RASGRP1: variants seen among roughly 807,000 people sequenced by gnomAD.
RASGRP1 encodes the protein RAS guanyl releasing protein 1.
A neutral mutation model predicts 95.1 loss-of-function variants in RASGRP1; 37 were observed. The ratio of observed to expected loss-of-function variants is 0.39; its 90% CI spans 0.30 to 0.51. The LOEUF is 0.51. Ranked by LOEUF, RASGRP1 falls within the 20% of genes least tolerant of loss-of-function variation. The pLI is 0.80. For missense variants in RASGRP1, 711 were observed against 965.4 expected (o/e 0.74, Z 3.49); for synonymous variants, 325 against 353.4 (o/e 0.92, Z 0.90).
chr15:38,541,875 G>T (rs1430353605), intron 2 of RASGRP1, among the ~76,000 whole-genome samples: 1 of 152,202 alleles, frequency 6.6e-6, no homozygotes, highest in Non-Finnish European at 1.5e-5. Flanking sequence ...GGGCAGTTCA[G>T]AGGAAGGGGA....
rs1199332739 is a variant in RASGRP1, at chr15:38,488,550, C to T, written c.*2004G>A. Reference sequence around the variant, plus strand: ...TTATCCATTTCAGTGATAAATTCTGCAGTACTTGATACTGTTTAGCCATTG... The same window carrying T: ...TTATCCATTTCAGTGATAAATTCTGTAGTACTTGATACTGTTTAGCCATTG... On this transcript the variant is annotated 3_prime_UTR_variant, in exon 17 of 17. Transcript: ENST00000310803. The T allele has an allele frequency of 1.3e-5, 2 of 151,980 alleles. No homozygotes were observed. Among genetic ancestry groups the T allele is most frequent in the Admixed American group, 6.6e-5 (1 of 15,254 alleles). 9.4% of individuals were successfully genotyped at this position (151,980 alleles called of 1,614,324 possible). A position where few individuals can be genotyped will look rare whatever the true frequency, so the allele number is the denominator to read the frequency against.
intron 11 of RASGRP1, 87 bp from the exon 12 acceptor site, chr15:38,502,508 G>A (rs188972484): frequency 1.0e-5 from 8 of 796,550 alleles, no homozygotes; most frequent in Admixed American, 5.0e-5. Flanking sequence ...TGGGGCAGTT[G>A]GATAAAAGCC....
In RASGRP1 at chr15:38,494,176, G is replaced by C. The variant is rs559446509; in HGVS notation, c.2259+206C>G. ...TGTGAACCAAGGCCCCCAGTGGGTT[G>C]TGAGAAAGCTGGAATCAATCATCCT... On this transcript the variant is annotated intron_variant, in intron 16 of 16. Coordinates refer to ENST00000310803, the MANE Select transcript of RASGRP1 (RefSeq NM_005739.4). 1.2e-4 allele frequency among the ~76,000 whole-genome samples: 18 copies of C among 152,276 alleles called. No homozygotes were observed. The South Asian group carries it at 3.7e-3, about 32-fold the overall frequency.
At chr15:38,543,075 T>C (rs1892967982) in intron 2 of RASGRP1, among the ~76,000 whole-genome samples, 1 of 151,818 alleles carries the variant, frequency 6.6e-6, no homozygotes, top group Non-Finnish European at 1.5e-5. Context: ...TTATGGTTAG[T>C]CCTTTGTGTC....
intron 2 of RASGRP1, among the ~76,000 whole-genome samples, chr15:38,543,125 T>C (rs1420894304): frequency 1.3e-5 from 2 of 152,024 alleles, no homozygotes; most frequent in Non-Finnish European, 2.9e-5. Flanking sequence ...AACATTGTCC[T>C]AAATTTCCTT....
intron 2 of RASGRP1, among the ~76,000 whole-genome samples, chr15:38,531,014 G>A (rs1300061258): frequency 1.3e-5 from 2 of 152,126 alleles, no homozygotes; most frequent in Non-Finnish European, 2.9e-5. Flanking sequence ...TGGAAGCATT[G>A]CCATCACAGA....
chr15:38,502,468 T>G, intron 11 of RASGRP1, 47 bp from the exon 12 acceptor site: 1 of 1,177,124 alleles, frequency 8.5e-7, no homozygotes, highest in Non-Finnish European at 1.2e-6. Flanking sequence ...GAAACCGGTC[T>G]TCTCTCCCTT....
chr15:38,555,215 C>T (rs1893507637), intron 2 of RASGRP1, among the ~76,000 whole-genome samples: 1 of 152,234 alleles, frequency 6.6e-6, no homozygotes, highest in African/African-American at 2.4e-5. Context: ...TATCCAACTG[C>T]TCCATGGTGG....
intron 15 of RASGRP1, 78 bp from the exon 16 acceptor site, chr15:38,494,845 A>G (rs1890735815): frequency 8.3e-7 from 1 of 1,211,386 alleles, no homozygotes; most frequent in East Asian, 2.7e-5. Context: ...AGTTTCAATG[A>G]GACCTTTCTT....
At chr15:38,549,825 A>G (rs565339912) in intron 2 of RASGRP1, among the ~76,000 whole-genome samples, 75 of 151,072 alleles carry the variant, frequency 5.0e-4, no homozygotes, top group South Asian at 1.3e-3. Context: ...CTCTTTGGGG[A>G]AAAAAAAACA....
chr15:38,548,273 T>C (rs893068830), intron 2 of RASGRP1, among the ~76,000 whole-genome samples: 2 of 152,238 alleles, frequency 1.3e-5, no homozygotes, highest in African/African-American at 4.8e-5. Context: ...TTTTAATATA[T>C]TGTTAGAGGT....
intron 7 of RASGRP1, 97 bp from the exon 8 acceptor site, chr15:38,511,817 C>CG (rs1891532591): frequency 2.4e-6 from 2 of 827,698 alleles, no homozygotes; most frequent in Admixed American, 4.4e-5. Flanking sequence ...GTGAGTCTCC[C>CG]TTACGCTGGT....
rs1890521800 is a variant in RASGRP1, at chr15:38,490,279, T to C, written c.*275A>G. On this transcript the variant is annotated 3_prime_UTR_variant, in exon 17 of 17. Transcript: ENST00000310803. ...GAGATGCCCCATTGTCAGGAAATGATAGTCATGTTTTAGATCGCATACTTT... is the reference window on the plus strand; with the variant it reads ...GAGATGCCCCATTGTCAGGAAATGACAGTCATGTTTTAGATCGCATACTTT... The C allele has an allele frequency of 1.5e-5, 4 of 269,438 alleles. No individual in the cohort carries two copies. Among genetic ancestry groups the C allele is most frequent in the Non-Finnish European group, 2.1e-5 (3 of 145,090 alleles). The allele number at this position is 269,438 out of a possible 1,614,324, so 16.7% of individuals were successfully genotyped here.
At chr15:38,524,540 A>G (rs538716306) in intron 3 of RASGRP1, 1 of 152,358 alleles carries the variant, frequency 6.6e-6, no homozygotes, top group South Asian at 2.1e-4. Context: ...CTGGGGGTCA[A>G]TGGAAACAAG....
At chr15:38,529,608 T>A (rs1892360432) in intron 2 of RASGRP1, among the ~76,000 whole-genome samples, 1 of 152,194 alleles carries the variant, frequency 6.6e-6, no homozygotes, top group African/African-American at 2.4e-5. Flanking sequence ...GCTTTATTTA[T>A]TTAATTTTTT....
At chr15:38,497,924 C>T (rs571527919) in intron 15 of RASGRP1, among the ~76,000 whole-genome samples, 2 of 152,286 alleles carry the variant, frequency 1.3e-5, no homozygotes, top group Admixed American at 1.3e-4. Flanking sequence ...GTTTGCCCCC[C>T]GCCCTTCCTT....
chr15:38,516,433 C>T, intron 5 of RASGRP1, 83 bp from the exon 6 acceptor site: 1 of 1,465,006 alleles, frequency 6.8e-7, no homozygotes, highest in Non-Finnish European at 9.5e-7. Flanking sequence ...ACATTTCTCA[C>T]AAGAATATAC....
chr15:38,501,500 C>G (rs993422756), intron 12 of RASGRP1: 12 of 703,600 alleles, frequency 1.7e-5, no homozygotes, highest in Non-Finnish European at 2.8e-5. Flanking sequence ...CTCATTTCCA[C>G]AGAGGTGTTC....
chr15:38,499,257 C>T, intron 14 of RASGRP1: 1 of 466,510 alleles, frequency 2.1e-6, no homozygotes. Context: ...CGGAAACACT[C>T]AGCTGTTAGG....
Sources: gnomAD v4.1 joint callset for allele counts (sites outside exome capture counted in the v4.1 genomes callset) on GRCh38, gnomAD v4.1.1 for gene constraint, MANE v1.5 for transcripts, NCBI Gene and HGNC (gene_info 2026-07-23, HGNC 2026-07-21) for gene names.